GPC5: variants seen among roughly 807,000 people sequenced by gnomAD.
GPC5 encodes glypican 5, also known as glypican-5.
Under a neutral mutation model 53.9 loss-of-function variants are expected in GPC5, and 47 were observed. The observed-to-expected ratio is 0.87, with a 90% CI of 0.69 to 1.11. The LOEUF (loss-of-function observed/expected upper bound fraction) is 1.11. Among genes scored for constraint, GPC5 ranks in the 50% most tolerant of loss-of-function variants. The pLI is 0.00. For missense variants in GPC5, 748 were observed against 713.1 expected (o/e 1.05, Z -0.56); for synonymous variants, 286 against 263.3 (o/e 1.09, Z -0.84).
chr13:92,593,678 CATG>C (rs1022246429), intron 7 of GPC5, among the ~76,000 whole-genome samples: 3 of 151,980 alleles, frequency 2.0e-5, no homozygotes, highest in African/African-American at 7.3e-5. Context: ...AGAAGAAGGA[CATG>C]GTGAAGGAGA....
rs183852171 is a variant in GPC5 at position 91,740,935 on chromosome 13, A to T, written c.1154+12270A>T. ...GTGTGGCTGTGCCAATTAAGTAGGT[A>T]ATTAGGAAAACCCCAGGACAATAAA... On this transcript the variant is annotated intron_variant, in intron 4 of 7. Coordinates refer to ENST00000377067, the MANE Select transcript of GPC5 (RefSeq NM_004466.6). 4.6e-5 allele frequency among the ~76,000 whole-genome samples: 7 copies of T among 152,242 alleles called. No individual in the cohort carries two copies. The East Asian group carries it at 1.4e-3, about 29-fold the overall frequency.
intron 7 of GPC5, among the ~76,000 whole-genome samples, chr13:92,465,273 A>C (rs1878646004): frequency 1.3e-5 from 2 of 152,152 alleles, no homozygotes; most frequent in South Asian, 4.1e-4. Context: ...CAAATATAGA[A>C]GCATTTTATG....
At chr13:91,418,911 T>G (rs779632106) in intron 1 of GPC5, among the ~76,000 whole-genome samples, 4 of 151,970 alleles carry the variant, frequency 2.6e-5, no homozygotes, top group Non-Finnish European at 5.9e-5. Context: ...CCTGTTAAGA[T>G]ATTTCTGATG....
At chr13:92,192,014 T>C (rs1489286487) in intron 7 of GPC5, among the ~76,000 whole-genome samples, 1 of 152,180 alleles carries the variant, frequency 6.6e-6, no homozygotes, top group East Asian at 1.9e-4. Flanking sequence ...GGACTGTCTG[T>C]ATATAATATT....
intron 4 of GPC5, among the ~76,000 whole-genome samples, chr13:91,750,694 T>TTTG (rs1447338381): frequency 1.3e-5 from 2 of 148,714 alleles, no homozygotes; most frequent in East Asian, 3.9e-4. Context: ...TTTTTTTTTT[T>TTTG]TTTGAGATGG....
chr13:92,388,409 A>T (rs1182440275), intron 7 of GPC5, among the ~76,000 whole-genome samples: 1 of 152,100 alleles, frequency 6.6e-6, no homozygotes, highest in South Asian at 2.1e-4. Context: ...ATCTTTAATG[A>T]AGTGATTGTG....
At chr13:92,613,519 T>G in intron 7 of GPC5, among the ~76,000 whole-genome samples, 1 of 105,634 alleles carries the variant, frequency 9.5e-6, no homozygotes, top group Non-Finnish European at 1.8e-5. Flanking sequence ...TAAAATATAA[T>G]ATATAATTTA....
intron 2 of GPC5, among the ~76,000 whole-genome samples, chr13:91,565,000 G>GA (rs57988736): frequency 2.0e-5 from 3 of 149,656 alleles, no homozygotes; most frequent in Non-Finnish European, 4.5e-5. Flanking sequence ...TTTTGGGGGG[G>GA]GGTCGGTGGG....
At chr13:92,587,334 G>A (rs1883570155) in intron 7 of GPC5, among the ~76,000 whole-genome samples, 1 of 152,054 alleles carries the variant, frequency 6.6e-6, no homozygotes, top group African/African-American at 2.4e-5. Flanking sequence ...ACAAAGCTCT[G>A]GAGGTACATG....
At chr13:92,268,355 T>C (rs2042816642) in intron 7 of GPC5, among the ~76,000 whole-genome samples, 1 of 140,452 alleles carries the variant, frequency 7.1e-6, no homozygotes, top group African/African-American at 2.8e-5. Context: ...TCTCTTTCTA[T>C]ACTTTTTTTT....
chr13:91,788,973 G>C (rs1440321105), intron 5 of GPC5, among the ~76,000 whole-genome samples: 5 of 152,120 alleles, frequency 3.3e-5, no homozygotes, highest in African/African-American at 1.2e-4. Flanking sequence ...CAGCACTTTG[G>C]GAGGCCAAGG....
chr13:92,459,433 A>C (rs1878397486), intron 7 of GPC5, among the ~76,000 whole-genome samples: 1 of 152,196 alleles, frequency 6.6e-6, no homozygotes, highest in African/African-American at 2.4e-5. Flanking sequence ...TCTGTTCATC[A>C]AAGAGTAATT....
chr13:91,419,006 G>T (rs1274818943), intron 1 of GPC5, among the ~76,000 whole-genome samples: 1 of 151,986 alleles, frequency 6.6e-6, no homozygotes, highest in Admixed American at 6.6e-5. Flanking sequence ...TAATTTGAAT[G>T]ACCTTAATTA....
intron 6 of GPC5, among the ~76,000 whole-genome samples, chr13:91,929,048 T>A (rs2039796334): frequency 6.6e-6 from 1 of 152,130 alleles, no homozygotes; most frequent in Non-Finnish European, 1.5e-5. Flanking sequence ...TTTGTTTAGA[T>A]CTAACTCTTT....
intron 7 of GPC5, among the ~76,000 whole-genome samples, chr13:92,781,507 T>G (rs1212632209): frequency 6.6e-6 from 1 of 152,166 alleles, no homozygotes; most frequent in African/African-American, 2.4e-5. Context: ...GTTTGTTTAG[T>G]AGATCTCTAG....
intron 7 of GPC5, among the ~76,000 whole-genome samples, chr13:92,383,551 T>C (rs1311824755): frequency 1.3e-5 from 2 of 152,214 alleles, no homozygotes; most frequent in East Asian, 3.8e-4. Flanking sequence ...CACGGGTATA[T>C]GGACTCTTCT....
chr13:92,116,270 CA>C (rs56168628), intron 6 of GPC5, among the ~76,000 whole-genome samples: 138,775 of 149,440 alleles, frequency 0.93, 64,966 homozygotes, highest in Middle Eastern at 0.99. Flanking sequence ...AACAAACAAA[CA>C]AAAAAAAAAA....
In GPC5 at chr13:92,660,330, A is replaced by T. The variant is rs549387478; in HGVS notation, c.1562-205952A>T. ...ACATTATATTTCTGTGTTTCTAGTG[A>T]TCACAAATTATATATGATTAATATG... On this transcript the variant is annotated intron_variant, in intron 7 of 7. Transcript: ENST00000377067. Among the ~76,000 whole-genome samples the T allele has an allele frequency of 1.2e-4, 19 of 152,184 alleles. No individual in the cohort carries two copies. The South Asian group carries it at 3.9e-3, about 32-fold the overall frequency.
chr13:92,613,638 A>G (rs9301824), intron 7 of GPC5, among the ~76,000 whole-genome samples: 7,528 of 134,522 alleles, frequency 0.056, 304 homozygotes, highest in East Asian at 0.11. Context: ...ATATTTTATA[A>G]ATATTAAATA....
Sources: gnomAD v4.1 joint callset for allele counts (sites outside exome capture counted in the v4.1 genomes callset) on GRCh38, gnomAD v4.1.1 for gene constraint, MANE v1.5 for transcripts, NCBI Gene and HGNC (gene_info 2026-07-23, HGNC 2026-07-21) for gene names.